GREB1: variants seen among roughly 807,000 people sequenced by gnomAD.
GREB1 encodes the protein growth regulating estrogen receptor binding 1, also known as protein GREB1.
In GREB1, 106 loss-of-function variants were observed where a neutral mutation model predicts 200.7. That is an observed-to-expected ratio of 0.53 (90% CI 0.45 to 0.62). The LOEUF (loss-of-function observed/expected upper bound fraction) is 0.62, where lower values mean the gene tolerates loss of function less well. GREB1 is among the 20% of genes least tolerant of loss of function. The pLI, the probability that GREB1 is intolerant of heterozygous loss-of-function variation, is 0.00. For synonymous variants in GREB1, 1,132 were observed against 1,092.4 expected (o/e 1.04, Z -0.72); for missense variants, 2,243 against 2,556.8 (o/e 0.88, Z 2.65).
chr2:11,495,596 C>T lies in GREB1; in HGVS notation c.-159+13215C>T, dbSNP rs538771023. ...TCACTCAATCCTCATGACAACCTTA[C>T]GAGGTAGATGGGATTTTTATTATCC... On this transcript the variant is annotated intron_variant, in intron 1 of 2. Transcript: ENST00000628795. 3.9e-5 allele frequency among the ~76,000 whole-genome samples: 6 copies of T among 152,054 alleles called. No individual in the cohort carries two copies. The East Asian group carries it at 7.7e-4, about 20-fold the overall frequency.
At chr2:11,631,277 T>C (rs1333522527) in intron 26 of GREB1, among the ~76,000 whole-genome samples, 6 of 152,160 alleles carry the variant, frequency 3.9e-5, no homozygotes, top group Non-Finnish European at 1.5e-5. Context: ...ATAAAAGATA[T>C]AACAACCCGA....
chr2:11,600,605 G>T (rs901397808), intron 15 of GREB1, among the ~76,000 whole-genome samples, 195 bp from the exon 16 acceptor site: 1 of 152,124 alleles, frequency 6.6e-6, no homozygotes, highest in Non-Finnish European at 1.5e-5. Context: ...CCTAAGTAAC[G>T]AATCTCAGGA....
intron 15 of GREB1, among the ~76,000 whole-genome samples, 186 bp downstream of exon 15, chr2:11,599,046 G>A (rs1681521988): frequency 6.6e-6 from 1 of 152,194 alleles, no homozygotes; most frequent in South Asian, 2.1e-4. Flanking sequence ...GGATTATCCA[G>A]TGTGACCTCT....
At chr2:11,562,756 CCT>C in intron 3 of GREB1, 174 bp downstream of exon 3, 17 of 605,548 alleles carry the variant, frequency 2.8e-5, no homozygotes, top group South Asian at 1.7e-4. Flanking sequence ...GCTGGCCCGG[CCT>C]GCCCTCCTGA....
chr2:11,536,715 G>A (rs1336969997), intron 1 of GREB1, among the ~76,000 whole-genome samples: 1 of 152,208 alleles, frequency 6.6e-6, no homozygotes, highest in Non-Finnish European at 1.5e-5. Flanking sequence ...CACTGGAGGT[G>A]AGCTCTCTCC....
chr2:11,499,117 C>T (rs1672962380), intron 1 of GREB1, among the ~76,000 whole-genome samples: 1 of 152,186 alleles, frequency 6.6e-6, no homozygotes. Context: ...GGCAGATTGT[C>T]TTTTTTGTTT....
intron 3 of GREB1, 64 bp downstream of exon 3, chr2:11,562,646 C>T (rs994248082): frequency 8.7e-6 from 13 of 1,499,820 alleles, no homozygotes; most frequent in African/African-American, 1.4e-5. Flanking sequence ...AGTGGCCAGG[C>T]GGGTGACTGG....
chr2:11,546,240 C>T (rs189736882), intron 1 of GREB1, among the ~76,000 whole-genome samples: 39 of 152,162 alleles, frequency 2.6e-4, no homozygotes, highest in African/African-American at 8.9e-4. Flanking sequence ...ACTTCCCACG[C>T]CCCCTCCCTT....
intron 9 of GREB1, among the ~76,000 whole-genome samples, chr2:11,587,058 G>A (rs1572826415): frequency 6.6e-6 from 1 of 152,190 alleles, no homozygotes; most frequent in East Asian, 1.9e-4. Context: ...GGAAAAGAAA[G>A]CCCAGCAAGT....
intron 1 of GREB1, among the ~76,000 whole-genome samples, chr2:11,536,950 T>C (rs748905346): frequency 2.4e-4 from 37 of 152,050 alleles, no homozygotes; most frequent in Non-Finnish European, 4.1e-4. Context: ...GCAAGTACCA[T>C]AGATATTTTC....
chr2:11,508,547 C>A (rs964460466), intron 1 of GREB1, among the ~76,000 whole-genome samples: 1 of 152,186 alleles, frequency 6.6e-6, no homozygotes, highest in African/African-American at 2.4e-5. Context: ...CCTGGCCACT[C>A]CCCTTTTACG....
Position 11,633,070 on chromosome 2 carries a change from T to C in GREB1, c.4991+7T>C, listed in dbSNP as rs776605885. 1 of 1,613,500 alleles carries C rather than the reference T, an allele frequency of 6.2e-7. No individual in the cohort carries two copies. Among genetic ancestry groups the C allele is most frequent in the Non-Finnish European group, 8.5e-7 (1 of 1,179,660 alleles). ...CTGCTGGGGAGAGAAGCAGGTGAGG[T>C]AACCTGAGAGCACCACCTCCTGCCA... On this transcript the variant is annotated splice_region_variant and intron_variant, in intron 28 of 32. Transcript: ENST00000381486. The surrounding 1 kb of genome is among the most constrained non-coding windows in gnomAD (Gnocchi z 4.1).
At position 11,599,012 on chromosome 2, in the gene GREB1, A is replaced by G. The variant is rs973339050; in HGVS notation, c.2333+152A>G. 10 of 681,398 alleles carry G rather than the reference A, an allele frequency of 1.5e-5. 1 individual carries two copies. The highest frequency in any genetic ancestry group is 2.3e-5 in the Non-Finnish European group (9 of 386,448). 42.2% of individuals were successfully genotyped at this position (681,398 alleles called of 1,614,324 possible). A position where few individuals can be genotyped will look rare whatever the true frequency, so the allele number is the denominator to read the frequency against. ...GCAGATGCCATGGAGGTTTCCCACA[A>G]TCTTGAGCTGGAAGTTATCTCAGGG... On this transcript the variant is annotated intron_variant, in intron 15 of 32. Transcript: ENST00000381486.
chr2:11,565,696 G>C (rs892067197), intron 3 of GREB1, among the ~76,000 whole-genome samples: 17 of 152,284 alleles, frequency 1.1e-4, no homozygotes, highest in African/African-American at 4.1e-4. Flanking sequence ...GAAGGGCATG[G>C]AATGAGAATC....
At chr2:11,631,565 T>C (rs951411570) in intron 26 of GREB1, among the ~76,000 whole-genome samples, 11 of 152,190 alleles carry the variant, frequency 7.2e-5, no homozygotes, top group Non-Finnish European at 1.6e-4. Context: ...CTCGTGTCGA[T>C]AGTGAGCCAG....
chr2:11,544,672 C>T (rs906007488), intron 1 of GREB1, among the ~76,000 whole-genome samples: 1 of 152,190 alleles, frequency 6.6e-6, no homozygotes, highest in Non-Finnish European at 1.5e-5. Context: ...CTGCTCTCAT[C>T]CCCAGGGAAG....
chr2:11,627,241 T>A (rs947381064), intron 25 of GREB1, 137 bp downstream of exon 25: 2 of 719,032 alleles, frequency 2.8e-6, no homozygotes, highest in African/African-American at 1.8e-5. Flanking sequence ...TTGCATCCTC[T>A]GTTCCCTTCA....
intron 4 of GREB1, among the ~76,000 whole-genome samples, chr2:11,568,892 C>T (rs1677972547): frequency 1.3e-5 from 2 of 152,230 alleles, no homozygotes. Context: ...TTTATGCTCT[C>T]AGCTTGCATA....
chr2:11,591,113 CAA>C (rs1418864976), intron 10 of GREB1, among the ~76,000 whole-genome samples: 1 of 152,082 alleles, frequency 6.6e-6, no homozygotes, highest in African/African-American at 2.4e-5. Flanking sequence ...GATGTGGACT[CAA>C]AGGAAAGTTT....
Sources: allele counts gnomAD v4.1 joint callset (sites outside exome capture counted in the v4.1 genomes callset), GRCh38; gene constraint gnomAD v4.1.1; non-coding constraint Gnocchi (gnomAD v3.1); transcripts MANE v1.5; gene names NCBI Gene and HGNC (gene_info 2026-07-23, HGNC 2026-07-21).